The following PIK3R1 variants were observed in gnomAD, a reference collection of about 807,000 sequenced individuals.
PIK3R1 encodes phosphoinositide-3-kinase regulatory subunit 1.
In PIK3R1, 29 loss-of-function variants were observed where a neutral mutation model predicts 98.0. That is an observed-to-expected ratio of 0.30 (90% CI 0.22 to 0.40). PIK3R1 has a LOEUF of 0.40. Ranked by LOEUF, PIK3R1 falls within the 10% of genes least tolerant of loss-of-function variation. PIK3R1 has a pLI of 1.00. For missense variants in PIK3R1, 596 were observed against 872.7 expected (o/e 0.68, Z 3.99); for synonymous variants, 282 against 311.8 (o/e 0.90, Z 1.01).
chr5:68,256,486 T>A lies in PIK3R1; in HGVS notation c.335-16904T>A, dbSNP rs1165730952. On this transcript the variant is annotated intron_variant, in intron 2 of 15. Transcript: ENST00000521381. ...ACCTTGTGATCCGCCCGCCTCGGCC[T>A]CCCAAAGTGCTGGGATTACAGGTGT... is the stretch of plus-strand genomic sequence containing the variant. 3.9e-5 allele frequency among the ~76,000 whole-genome samples: 6 copies of A among 152,206 alleles called. No homozygotes were observed. The East Asian group carries it at 1.2e-3, about 29-fold the overall frequency.
intron 2 of PIK3R1, among the ~76,000 whole-genome samples, chr5:68,250,802 C>T (rs901287201): frequency 6.6e-6 from 1 of 152,162 alleles, no homozygotes; most frequent in Non-Finnish European, 1.5e-5. Context: ...GCCTATGTGT[C>T]CTCAGCCCTA....
At chr5:68,228,332 T>C (rs963822093) in intron 2 of PIK3R1, among the ~76,000 whole-genome samples, 5 of 152,238 alleles carry the variant, frequency 3.3e-5, no homozygotes, top group African/African-American at 1.2e-4. Flanking sequence ...GAATATTGTG[T>C]TAAAATCAAG....
chr5:68,220,978 G>T (rs1005534084), intron 1 of PIK3R1, among the ~76,000 whole-genome samples: 1 of 152,230 alleles, frequency 6.6e-6, no homozygotes, highest in African/African-American at 2.4e-5. Context: ...TGTGTTGGGA[G>T]GTAGGGCCTA....
chr5:68,285,541 A>G (rs904384219), intron 7 of PIK3R1, among the ~76,000 whole-genome samples: 4 of 152,242 alleles, frequency 2.6e-5, no homozygotes, highest in Non-Finnish European at 5.9e-5. Flanking sequence ...AAGCCACACT[A>G]GGTTTTGTCA....
chr5:68,300,858 T>C lies in PIK3R1; in HGVS notation c.*3257T>C, dbSNP rs1748003620. On this transcript the variant is annotated 3_prime_UTR_variant, in exon 16 of 16. Coordinates refer to ENST00000521381, the MANE Select transcript of PIK3R1 (RefSeq NM_181523.3). ...ATATTTCTTTGGCTTTTTTGTGTTTTTAAAAGTTACTCCTTTTAGGGAGCT... is the reference window on the plus strand; with the variant it reads ...ATATTTCTTTGGCTTTTTTGTGTTTCTAAAAGTTACTCCTTTTAGGGAGCT... 1 of 233,304 alleles carries C rather than the reference T, an allele frequency of 4.3e-6. No individual in the cohort carries two copies. Among genetic ancestry groups the C allele is most frequent in the Non-Finnish European group, 8.5e-6 (1 of 118,032 alleles). 14.5% of individuals were successfully genotyped at this position (233,304 alleles called of 1,614,324 possible). A position where few individuals can be genotyped will look rare whatever the true frequency, so the allele number is the denominator to read the frequency against.
At chr5:68,252,883 G>A (rs1745372622) in intron 2 of PIK3R1, among the ~76,000 whole-genome samples, 4 of 152,144 alleles carry the variant, frequency 2.6e-5, no homozygotes. Context: ...CGGCATGGTA[G>A]CTGTAAAATA....
intron 2 of PIK3R1, among the ~76,000 whole-genome samples, chr5:68,229,008 G>C (rs1744381216): frequency 6.6e-6 from 1 of 152,092 alleles, no homozygotes; most frequent in Admixed American, 6.5e-5. Flanking sequence ...TGGAAAGATG[G>C]AGTGAAATGA....
At chr5:68,247,072 C>A (rs568862381) in intron 2 of PIK3R1, among the ~76,000 whole-genome samples, 2 of 152,186 alleles carry the variant, frequency 1.3e-5, no homozygotes, top group South Asian at 4.1e-4. Flanking sequence ...GTAGTGTGAT[C>A]GAAATAGAAT....
At chr5:68,220,451 T>A (rs189022989) in intron 1 of PIK3R1, among the ~76,000 whole-genome samples, 12 of 152,342 alleles carry the variant, frequency 7.9e-5, no homozygotes, top group African/African-American at 2.9e-4. Flanking sequence ...TCCCAGAAGC[T>A]ACGTCACCCT....
chr5:68,260,381 C>T (rs1745691363), intron 2 of PIK3R1, among the ~76,000 whole-genome samples: 4 of 134,272 alleles, frequency 3.0e-5, no homozygotes, highest in African/African-American at 1.1e-4. Flanking sequence ...TGCTTGGACT[C>T]TCCCCTCCCG....
In PIK3R1 at chr5:68,298,475, C is replaced by T. The variant is rs56235611; in HGVS notation, c.*874C>T. On this transcript the variant is annotated 3_prime_UTR_variant, in exon 16 of 16. Coordinates refer to ENST00000521381, the MANE Select transcript of PIK3R1 (RefSeq NM_181523.3). ...TGTACCTTCAGAATAAGCTTCCCCA[C>T]CCCAGTTTTTGTTGCTTGAAAATAT... The T allele has an allele frequency of 0.019, 4,393 of 233,224 alleles. 60 individuals are homozygous for T. Among genetic ancestry groups the T allele is most frequent in the Middle Eastern group, 0.033 (26 of 784 alleles). The allele number at this position is 233,224 out of a possible 1,614,324, so 14.4% of individuals were successfully genotyped here.
At chr5:68,253,983 C>CTTT (rs5868528) in intron 2 of PIK3R1, among the ~76,000 whole-genome samples, 20 of 129,582 alleles carry the variant, frequency 1.5e-4, no homozygotes, top group African/African-American at 3.0e-4. Flanking sequence ...CGTGGACCCC[C>CTTT]TTTTTTTTTT....
chr5:68,219,837 A>G (rs897493003), intron 1 of PIK3R1, among the ~76,000 whole-genome samples: 1 of 152,236 alleles, frequency 6.6e-6, no homozygotes, highest in Non-Finnish European at 1.5e-5. Context: ...TTCAATACTA[A>G]TAGAAATAAT....
intron 6 of PIK3R1, 83 bp from the exon 7 acceptor site, chr5:68,280,844 C>A: frequency 8.2e-7 from 1 of 1,223,358 alleles, no homozygotes; most frequent in Non-Finnish European, 1.2e-6. Flanking sequence ...CAGATGCTAT[C>A]ACACACATTC....
intron 2 of PIK3R1, among the ~76,000 whole-genome samples, chr5:68,263,695 T>G (rs1287756082): frequency 6.6e-6 from 1 of 152,246 alleles, no homozygotes; most frequent in Non-Finnish European, 1.5e-5. Flanking sequence ...TAGTCTTATA[T>G]CAGTGATCTT....
chr5:68,297,704 C>T lies in PIK3R1; in HGVS notation c.*103C>T, dbSNP rs895196565. On this transcript the variant is annotated 3_prime_UTR_variant, in exon 16 of 16. Transcript: ENST00000521381. ...TGATCTGTGAATTGAGCTGCAGAAA[C>T]GAAGCCATCTTTCTTTGGATGGGAC... 16 of 934,504 alleles carry T rather than the reference C, an allele frequency of 1.7e-5. No individual in the cohort carries two copies. The highest frequency in any genetic ancestry group is 2.5e-5 in the Non-Finnish European group (15 of 610,666). 57.9% of individuals were successfully genotyped at this position (934,504 alleles called of 1,614,324 possible).
intron 2 of PIK3R1, among the ~76,000 whole-genome samples, chr5:68,228,248 A>G (rs892706614): frequency 6.6e-6 from 1 of 152,220 alleles, no homozygotes; most frequent in Non-Finnish European, 1.5e-5. Flanking sequence ...ACACAAGTGA[A>G]TAAGACAATG....
At chr5:68,228,386 T>A (rs1054249371) in intron 2 of PIK3R1, among the ~76,000 whole-genome samples, 1 of 152,204 alleles carries the variant, frequency 6.6e-6, no homozygotes, top group Non-Finnish European at 1.5e-5. Flanking sequence ...TTCTTTCCCA[T>A]ACCCAGCCCA....
chr5:68,268,339 G>C (rs1181216411), intron 2 of PIK3R1, among the ~76,000 whole-genome samples: 1 of 152,132 alleles, frequency 6.6e-6, no homozygotes, highest in African/African-American at 2.4e-5. Flanking sequence ...CTTAGTCAAA[G>C]AGCACAGGCC....
Sources: allele counts gnomAD v4.1 joint callset (sites outside exome capture counted in the v4.1 genomes callset), GRCh38; gene constraint gnomAD v4.1.1; transcripts MANE v1.5; gene names NCBI Gene and HGNC (gene_info 2026-07-23, HGNC 2026-07-21).